TRIM25: variants seen among roughly 807,000 people sequenced by gnomAD.
TRIM25 encodes tripartite motif containing 25, also known as E3 ubiquitin/ISG15 ligase TRIM25.
Under a neutral mutation model 65.2 loss-of-function variants are expected in TRIM25, and 45 were observed. The ratio of observed to expected loss-of-function variants is 0.69; its 90% CI spans 0.54 to 0.89. TRIM25 has a LOEUF of 0.89. Ranked by LOEUF, TRIM25 falls within the 40% of genes least tolerant of loss-of-function variation. The probability of loss-of-function intolerance (pLI) is 0.00; values close to 1 mark genes in which losing one functional copy is unlikely to be tolerated. For missense variants in TRIM25, 714 were observed against 803.7 expected (o/e 0.89, Z 1.35); for synonymous variants, 321 against 340.4 (o/e 0.94, Z 0.63).
chr17:56,890,021 T>A lies in TRIM25; in HGVS notation c.*1679A>T. 1 of 402,832 alleles carries A rather than the reference T, an allele frequency of 2.5e-6. No homozygotes were observed. The highest frequency in any genetic ancestry group is 4.4e-6 in the Non-Finnish European group (1 of 228,136). 25.0% of individuals were successfully genotyped at this position (402,832 alleles called of 1,614,324 possible). A position where few individuals can be genotyped will look rare whatever the true frequency, so the allele number is the denominator to read the frequency against. The stretch of plus-strand genomic sequence containing the variant: ...ATGTCAGGTGTGTAGCTGTCAGGAA[T>A]ATCAAGTGTTCTGAGCCTGCCTAGA... On this transcript the variant is annotated 3_prime_UTR_variant, in exon 9 of 9. Coordinates refer to ENST00000316881, the MANE Select transcript of TRIM25 (RefSeq NM_005082.5).
chr17:56,908,663 C>T (rs1275309574), intron 1 of TRIM25, 100 bp from the exon 2 acceptor site: 1 of 1,204,530 alleles, frequency 8.3e-7, no homozygotes, highest in Admixed American at 1.9e-5. Flanking sequence ...CCTTCCTCTT[C>T]CACTCCACCC....
At chr17:56,909,351 A>G (rs917134984) in intron 1 of TRIM25, among the ~76,000 whole-genome samples, 18 of 152,100 alleles carry the variant, frequency 1.2e-4, no homozygotes, top group Non-Finnish European at 1.5e-5. Context: ...TCAGAGTCCA[A>G]GGCTCACTGC....
rs749957188 is a variant in TRIM25 at position 56,899,192 on chromosome 17, A to T, written c.1088-12T>A. 2.5e-6 allele frequency: 4 copies of T among 1,614,122 alleles called. No individual in the cohort carries two copies. The highest frequency in any genetic ancestry group is 2.5e-6 in the Non-Finnish European group (3 of 1,180,000). On this transcript the variant is annotated splice_polypyrimidine_tract_variant and intron_variant, in intron 4 of 8. Coordinates refer to ENST00000316881, the MANE Select transcript of TRIM25 (RefSeq NM_005082.5). ...CTCTCCAGGGTCACCTGTGTCAGAG[A>T]AGAAGGGCTCAGTGTGTGCGGCTCC...
intron 8 of TRIM25, among the ~76,000 whole-genome samples, chr17:56,894,663 A>G (rs1217970380): frequency 6.6e-6 from 1 of 152,234 alleles, no homozygotes; most frequent in Non-Finnish European, 1.5e-5. Context: ...TAAACGTGCT[A>G]CAGATAGGCA....
chr17:56,908,806 GCTGTGCAA>G, intron 1 of TRIM25: 1 of 476,596 alleles, frequency 2.1e-6, no homozygotes. Flanking sequence ...CCAACTCCCA[GCTGTGCAA>G]CTGTGTCCTT....
intron 3 of TRIM25, among the ~76,000 whole-genome samples, chr17:56,903,977 G>T (rs146936661): frequency 1.3e-5 from 2 of 152,076 alleles, no homozygotes; most frequent in East Asian, 1.9e-4. Context: ...GCCATCCCTC[G>T]CAGACTGTAG....
At chr17:56,899,705 T>A (rs1416923873) in intron 4 of TRIM25, among the ~76,000 whole-genome samples, 1 of 152,206 alleles carries the variant, frequency 6.6e-6, no homozygotes, top group Non-Finnish European at 1.5e-5. Flanking sequence ...AAGCTGAGAT[T>A]CAAGCCCAAT....
At chr17:56,905,928 A>G (rs966517830) in intron 2 of TRIM25, among the ~76,000 whole-genome samples, 1 of 152,220 alleles carries the variant, frequency 6.6e-6, no homozygotes, top group African/African-American at 2.4e-5. Context: ...GTTCCACTGC[A>G]CTCCAGCCTG....
Position 56,900,372 on chromosome 17 carries a change from G to A in TRIM25, c.1087+1047C>T, listed in dbSNP as rs1275903387. ...ATTGCATTCCGGCCTGGGCGACAGAGCAAGATCCTGAATAAATAAATAAAT... is the reference window on the plus strand; with the variant it reads ...ATTGCATTCCGGCCTGGGCGACAGAACAAGATCCTGAATAAATAAATAAAT... On this transcript the variant is annotated intron_variant, in intron 4 of 8. Coordinates refer to ENST00000316881, the MANE Select transcript of TRIM25 (RefSeq NM_005082.5). Among the ~76,000 whole-genome samples the A allele has an allele frequency of 3.9e-5, 6 of 152,236 alleles. No individual in the cohort carries two copies. In the South Asian group the frequency reaches 8.3e-4, roughly 21 times the overall value.
chr17:56,913,482 G>A lies in TRIM25; in HGVS notation c.507C>T (p.Pro169=). 6.2e-7 allele frequency: 1 copy of A among 1,613,256 alleles called. No individual in the cohort carries two copies. The highest frequency in any genetic ancestry group is 8.5e-7 in the Non-Finnish European group (1 of 1,179,566). The change falls in exon 1 of 9, where the codon CCC becomes CCT. Residue 169 remains proline (P), a synonymous_variant. Coordinates refer to ENST00000316881, the MANE Select transcript of TRIM25 (RefSeq NM_005082.5). This position sits in a 1 kb window ranked among gnomAD's most constrained non-coding sequence, Gnocchi z 6.1. ...TGTGGCAGATGCACTCGCTGTGCTC[G>A]GGGCAGAAAAATTCCCGCAGCCGAT... is the stretch of plus-strand genomic sequence containing the variant. The part of the protein sequence containing the change: ...QHNRLREFFC[P]EHSECICHIC...
chr17:56,891,201 C>A lies in TRIM25; in HGVS notation c.*499G>T. The A allele has an allele frequency of 2.9e-6, 1 of 342,258 alleles. No homozygotes were observed. Among genetic ancestry groups the A allele is most frequent in the South Asian group, 2.2e-5 (1 of 44,672 alleles). The allele number at this position is 342,258 out of a possible 1,614,324, so 21.2% of individuals were successfully genotyped here. ...CAGATAATAACCAGGAGATCAAGCC[C>A]CAACATGCGGGTAATGGAGTTTATG... On this transcript the variant is annotated 3_prime_UTR_variant, in exon 9 of 9. Transcript: ENST00000316881.
intron 1 of TRIM25, among the ~76,000 whole-genome samples, chr17:56,911,386 C>T (rs1215462946): frequency 6.6e-6 from 1 of 152,068 alleles, no homozygotes; most frequent in East Asian, 1.9e-4. Context: ...TCGAGACCAG[C>T]CTGGCCAACA....
chr17:56,896,100 G>T (rs940779876), intron 5 of TRIM25, 148 bp from the exon 6 acceptor site: 2 of 863,944 alleles, frequency 2.3e-6, no homozygotes, highest in Non-Finnish European at 3.5e-6. Flanking sequence ...CAGGCAAAAT[G>T]AATCTATAGT....
chr17:56,912,540 GC>G (rs1405977249), intron 1 of TRIM25, among the ~76,000 whole-genome samples: 5 of 152,100 alleles, frequency 3.3e-5, no homozygotes. Context: ...CCCACCAAAG[GC>G]TTTTGCTTAC....
rs1297464719 is a variant in TRIM25, at chr17:56,905,727, G to C, written c.694-1239C>G. 1.3e-5 allele frequency among the ~76,000 whole-genome samples: 2 copies of C among 152,146 alleles called. 1 individual carries two copies. The highest frequency in any genetic ancestry group is 4.8e-5 in the African/African-American group (2 of 41,448). On this transcript the variant is annotated intron_variant, in intron 2 of 8. Transcript: ENST00000316881. Reference sequence around the variant, plus strand: ...AATCCCAGCACCTTGGGAGACCGAGGCAGGAGGATCGCTTGAGGCCAGGAG... The same window carrying C: ...AATCCCAGCACCTTGGGAGACCGAGCCAGGAGGATCGCTTGAGGCCAGGAG...
At chr17:56,896,057 G>T in intron 5 of TRIM25, 105 bp from the exon 6 acceptor site, 3 of 1,251,902 alleles carry the variant, frequency 2.4e-6, no homozygotes, top group Non-Finnish European at 2.2e-6. Context: ...ACAAATAAAA[G>T]GATGTTTTAA....
At chr17:56,893,701 C>T (rs768531178) in intron 8 of TRIM25, among the ~76,000 whole-genome samples, 2 of 152,184 alleles carry the variant, frequency 1.3e-5, no homozygotes, top group African/African-American at 2.4e-5. Flanking sequence ...GCCTTGACAA[C>T]GGAACTCCAC....
intron 5 of TRIM25, among the ~76,000 whole-genome samples, chr17:56,896,171 A>G (rs1909289006): frequency 6.6e-6 from 1 of 152,132 alleles, no homozygotes; most frequent in African/African-American, 2.4e-5. Context: ...GCATGAAGGA[A>G]TTTTCTGGAG....
intron 8 of TRIM25, among the ~76,000 whole-genome samples, chr17:56,893,275 T>C (rs989625740): frequency 3.3e-5 from 5 of 150,094 alleles, no homozygotes; most frequent in Admixed American, 2.0e-4. Context: ...GGAGCCCGAG[T>C]TTCCCCCAAG....
Sources: allele counts gnomAD v4.1 joint callset (sites outside exome capture counted in the v4.1 genomes callset), GRCh38; gene constraint gnomAD v4.1.1; non-coding constraint Gnocchi (gnomAD v3.1); transcripts MANE v1.5; gene names NCBI Gene and HGNC (gene_info 2026-07-23, HGNC 2026-07-21).